Variants in NKD2 observed in about 807,000 individuals in gnomAD.
NKD2 encodes NKD inhibitor of Wnt signaling pathway 2, also known as protein naked cuticle homolog 2.
A neutral mutation model predicts 34.8 loss-of-function variants in NKD2; 43 were observed. The observed-to-expected ratio is 1.24, with a 90% CI of 0.97 to 1.60. The LOEUF (loss-of-function observed/expected upper bound fraction) is 1.60. Ranked by LOEUF, NKD2 falls within the 40% of genes most tolerant of loss-of-function variation. The pLI, the probability that NKD2 is intolerant of heterozygous loss-of-function variation, is 0.00. For synonymous variants in NKD2, 278 were observed against 265.1 expected (o/e 1.05, Z -0.47); for missense variants, 675 against 627.1 (o/e 1.08, Z -0.82).
chr5:1,019,066 G>T (rs1756070872), intron 3 of NKD2, among the ~76,000 whole-genome samples: 1 of 152,180 alleles, frequency 6.6e-6, no homozygotes, highest in Non-Finnish European at 1.5e-5. Flanking sequence ...TCACCTTCCC[G>T]CTATCCCTGT....
intron 3 of NKD2, among the ~76,000 whole-genome samples, chr5:1,021,134 C>T (rs1445956106): frequency 6.6e-6 from 1 of 152,148 alleles, no homozygotes; most frequent in African/African-American, 2.4e-5. Context: ...TTTAGGAGAC[C>T]TTTTGACCCC....
chr5:1,023,371 C>T (rs112790259), intron 3 of NKD2, among the ~76,000 whole-genome samples: 6 of 15,952 alleles, frequency 3.8e-4, no homozygotes, highest in Non-Finnish European at 4.5e-4. Context: ...CCGCTGTGGG[C>T]GTCCCAGCCC....
At chr5:1,028,175 G>A (rs913610370) in intron 3 of NKD2, among the ~76,000 whole-genome samples, 3 of 152,156 alleles carry the variant, frequency 2.0e-5, no homozygotes, top group African/African-American at 7.2e-5. Flanking sequence ...CGCTCAGCCC[G>A]GTGCCTGTGG....
chr5:1,037,483 G>C, intron 9 of NKD2: 1 of 1,528,538 alleles, frequency 6.5e-7, no homozygotes, highest in African/African-American at 1.4e-5. Context: ...CGCCCTCCCT[G>C]ATATAACCTG....
intron 3 of NKD2, among the ~76,000 whole-genome samples, chr5:1,013,820 G>C (rs1755847880): frequency 6.6e-6 from 1 of 152,184 alleles, no homozygotes; most frequent in Admixed American, 6.5e-5. Context: ...TGCCCGCTCG[G>C]GTCACTGTAC....
intron 3 of NKD2, among the ~76,000 whole-genome samples, chr5:1,018,631 T>G (rs1440816449): frequency 6.6e-6 from 1 of 151,716 alleles, no homozygotes; most frequent in Non-Finnish European, 1.5e-5. Context: ...CAGGGAGAGG[T>G]GGCAAGAACT....
chr5:1,015,532 C>T (rs1388987946), intron 3 of NKD2, among the ~76,000 whole-genome samples: 16 of 152,178 alleles, frequency 1.1e-4, no homozygotes, highest in Admixed American at 1.0e-3. Context: ...TCCTGCAGGG[C>T]TCTCAGACAG....
At chr5:1,022,078 G>C (rs1756217224) in intron 3 of NKD2, among the ~76,000 whole-genome samples, 2 of 140,680 alleles carry the variant, frequency 1.4e-5, no homozygotes, top group South Asian at 4.3e-4. Flanking sequence ...GGTCCTTGCT[G>C]TCCTTCAGCC....
intron 3 of NKD2, among the ~76,000 whole-genome samples, chr5:1,031,589 C>T (rs1756647284): frequency 6.6e-6 from 1 of 152,240 alleles, no homozygotes; most frequent in Non-Finnish European, 1.5e-5. Context: ...TTCTCTGTGT[C>T]CTGAAGGCTG....
Position 1,009,416 on chromosome 5 carries a change from G to A in NKD2, c.62-65G>A. ...CACAGCGAAGGCGCAGCGCCCGCGGGGCTCACGGCGCGTCTCTTTCCCTCC... is the reference window on the plus strand; with the variant it reads ...CACAGCGAAGGCGCAGCGCCCGCGGAGCTCACGGCGCGTCTCTTTCCCTCC... On this transcript the variant is annotated intron_variant, in intron 2 of 9. Coordinates refer to ENST00000296849, the MANE Select transcript of NKD2 (RefSeq NM_033120.4). The surrounding 1 kb of genome is among the most constrained non-coding windows in gnomAD (Gnocchi z 6.9). The A allele has an allele frequency of 1.5e-6, 2 of 1,359,526 alleles. No individual in the cohort carries two copies. Among genetic ancestry groups the A allele is most frequent in the Non-Finnish European group, 2.0e-6 (2 of 1,013,012 alleles). The allele number at this position is 1,359,526 out of a possible 1,614,324, so 84.2% of individuals were successfully genotyped here.
chr5:1,010,287 C>T (rs1017516198), intron 3 of NKD2, among the ~76,000 whole-genome samples: 1 of 152,214 alleles, frequency 6.6e-6, no homozygotes, highest in Admixed American at 6.5e-5. Context: ...TGATGGTCAT[C>T]AGTGTCAGTG....
At position 1,033,465 on chromosome 5, in the gene NKD2, C is replaced by T. The variant is rs372659616; in HGVS notation, c.296C>T (p.Pro99Leu). The change falls in exon 5 of 10, where the codon CCG (proline) becomes CTG (leucine). Residue 99 changes from proline (P) to leucine (L), a missense_variant. Pro to Leu is a moderately conservative substitution (Grantham distance 98). Coordinates refer to ENST00000296849, the MANE Select transcript of NKD2 (RefSeq NM_033120.4). ...GAGAGGGCAGCAAACCGCGAGGGCC[C>T]GCGAGGACCGGGCGGGCAGCGCCTC... ...DGERAANREG[P>L]RGPGGQRLNI... The T allele has an allele frequency of 9.6e-6, 15 of 1,556,226 alleles. No individual in the cohort carries two copies. Among genetic ancestry groups the T allele is most frequent in the East Asian group, 4.9e-5 (2 of 41,130 alleles).
intron 3 of NKD2, among the ~76,000 whole-genome samples, chr5:1,021,629 G>C (rs1037949109): frequency 2.6e-5 from 4 of 151,812 alleles, no homozygotes; most frequent in African/African-American, 4.8e-5. Context: ...CATTGAAACC[G>C]AGACTTTGAC....
At chr5:1,022,141 C>T (rs950808000) in intron 3 of NKD2, among the ~76,000 whole-genome samples, 1 of 150,726 alleles carries the variant, frequency 6.6e-6, no homozygotes, top group Non-Finnish European at 1.5e-5. Flanking sequence ...TAGCCAGTGG[C>T]GCTGTCCCTG....
In NKD2 at chr5:1,036,310, A is replaced by T. The variant is rs957831716; in HGVS notation, c.713A>T (p.Asp238Val). The T allele has an allele frequency of 3.7e-6, 6 of 1,612,666 alleles. No individual in the cohort carries two copies. Among genetic ancestry groups the T allele is most frequent in the Non-Finnish European group, 5.1e-6 (6 of 1,179,802 alleles). Reference sequence around the variant, plus strand: ...TCGGAGCGGGGGCCCTACTGCGTGGACGAGAACACGGAGCGCAGAAACCAC... The same window carrying T: ...TCGGAGCGGGGGCCCTACTGCGTGGTCGAGAACACGGAGCGCAGAAACCAC... ...PCSERGPYCV[D>V]ENTERRNHYL... Residue 238 changes from aspartate to valine, a missense_variant, in exon 9 of 10, where the codon GAC becomes GTC. Asp to Val is a radical substitution (Grantham distance 152, BLOSUM62 -3). Transcript: ENST00000296849.
Position 1,014,364 on chromosome 5 carries a change from C to T in NKD2, c.141+4804C>T, listed in dbSNP as rs538239625. On this transcript the variant is annotated intron_variant, in intron 3 of 9. Transcript: ENST00000296849. Reference sequence around the variant, plus strand: ...ATTAGGGTGTTGGGGGTCCATCAGACGCACACGCGACTCCTGGGAGCCGCG... The same window carrying T: ...ATTAGGGTGTTGGGGGTCCATCAGATGCACACGCGACTCCTGGGAGCCGCG... 1.1e-4 allele frequency among the ~76,000 whole-genome samples: 16 copies of T among 152,318 alleles called. No homozygotes were observed. In the East Asian group the frequency reaches 1.7e-3, roughly 17 times the overall value.
chr5:1,028,850 G>A (rs997781919), intron 3 of NKD2, among the ~76,000 whole-genome samples: 2 of 152,138 alleles, frequency 1.3e-5, no homozygotes, highest in Non-Finnish European at 2.9e-5. Flanking sequence ...GAGGCCAGGT[G>A]GGGGCTGCAT....
Position 1,038,369 on chromosome 5 carries a change from C to T in NKD2, c.1352C>T (p.Ser451Phe). Residue 451 changes from serine (S) to phenylalanine (F), a missense_variant, in exon 10 of 10, where the codon TCC (serine) becomes TTC (phenylalanine). By Grantham distance (155) the Ser-to-Phe change is radical (BLOSUM62 -2). Transcript: ENST00000296849. This position sits in a 1 kb window ranked among gnomAD's most constrained non-coding sequence, Gnocchi z 4.5. ...HHHHHHHFHP[S>F] ...CACCACCACCACCACTTCCACCCGTCCTAGCGCCACTGCCAAGCACACCTC... is the reference window on the plus strand; with the variant it reads ...CACCACCACCACCACTTCCACCCGTTCTAGCGCCACTGCCAAGCACACCTC... The T allele has an allele frequency of 1.3e-6, 2 of 1,535,880 alleles. No individual in the cohort carries two copies. The highest frequency in any genetic ancestry group is 1.7e-6 in the Non-Finnish European group (2 of 1,146,912).
chr5:1,023,505 G>A (rs76276015), intron 3 of NKD2, among the ~76,000 whole-genome samples: 805 of 1,384 alleles, frequency 0.58, 381 homozygotes, highest in Middle Eastern at 1. Flanking sequence ...GTCTCAGCCC[G>A]TTGTCTCTGC....
Sources: allele counts gnomAD v4.1 joint callset (sites outside exome capture counted in the v4.1 genomes callset), GRCh38; gene constraint gnomAD v4.1.1; non-coding constraint Gnocchi (gnomAD v3.1); transcripts MANE v1.5; gene names NCBI Gene and HGNC (gene_info 2026-07-23, HGNC 2026-07-21).